The following GSE1 variants were observed in gnomAD, a reference collection of about 807,000 sequenced individuals.
GSE1 encodes Gse1 coiled-coil protein, also known as genetic suppressor element 1.
Under a neutral mutation model 112.6 loss-of-function variants are expected in GSE1, and 32 were observed. The ratio of observed to expected loss-of-function variants is 0.28; its 90% CI spans 0.21 to 0.38. The LOEUF is 0.38. Ranked by LOEUF, GSE1 falls within the 10% of genes least tolerant of loss-of-function variation. GSE1 has a pLI of 1.00. For synonymous variants in GSE1, 1,115 were observed against 735.6 expected, an observed-to-expected ratio of 1.52 and a Z score of -8.35; for missense variants, 2,348 against 1,699.2, an observed-to-expected ratio of 1.38 and a Z score of -6.71.
intron 2 of GSE1, among the ~76,000 whole-genome samples, chr16:85,397,220 C>T (rs1288195809): frequency 6.6e-6 from 1 of 152,218 alleles, no homozygotes; most frequent in Non-Finnish European, 1.5e-5. Flanking sequence ...AAAGCAGACA[C>T]TTTTCTCCCC....
At chr16:85,369,320 G>A (rs1424218773) in intron 2 of GSE1, among the ~76,000 whole-genome samples, 7 of 152,002 alleles carry the variant, frequency 4.6e-5, no homozygotes, top group African/African-American at 7.3e-5. Flanking sequence ...GGGCTCAAGG[G>A]ATCCTCCCAC....
chr16:85,464,910 T>C (rs2050081301), intron 2 of GSE1, among the ~76,000 whole-genome samples: 1 of 152,214 alleles, frequency 6.6e-6, no homozygotes, highest in African/African-American at 2.4e-5. Context: ...GTCCTTTACC[T>C]GTGGTCACGC....
chr16:85,403,397 A>G (rs1181849666), intron 2 of GSE1, among the ~76,000 whole-genome samples: 2 of 152,174 alleles, frequency 1.3e-5, no homozygotes, highest in Non-Finnish European at 1.5e-5. Flanking sequence ...GGGGCTCGTC[A>G]AAGCTGCCCC....
At chr16:85,410,873 G>A (rs77002859) in intron 2 of GSE1, among the ~76,000 whole-genome samples, 4 of 62,070 alleles carry the variant, frequency 6.4e-5, no homozygotes, top group African/African-American at 1.3e-4. Context: ...CCTCACTGTT[G>A]CACTCAGGGT....
intron 1 of GSE1, among the ~76,000 whole-genome samples, chr16:85,183,152 C>G (rs1437341265): frequency 6.6e-6 from 1 of 152,162 alleles, no homozygotes; most frequent in Non-Finnish European, 1.5e-5. Flanking sequence ...CACTCATACA[C>G]CTGCACAGTC....
chr16:85,507,028 C>T (rs905170956), intron 2 of GSE1, among the ~76,000 whole-genome samples: 1 of 152,156 alleles, frequency 6.6e-6, no homozygotes, highest in Admixed American at 6.5e-5. Flanking sequence ...GGCTCTGCCT[C>T]CCTCCTGGGG....
At chr16:85,250,407 C>T (rs1450347180) in intron 1 of GSE1, among the ~76,000 whole-genome samples, 1 of 152,178 alleles carries the variant, frequency 6.6e-6, no homozygotes, top group Non-Finnish European at 1.5e-5. Context: ...GCTGGCCCCG[C>T]CCCAGCTGGG....
At chr16:85,186,927 G>C (rs1597748391) in intron 1 of GSE1, among the ~76,000 whole-genome samples, 1 of 152,206 alleles carries the variant, frequency 6.6e-6, no homozygotes, top group Non-Finnish European at 1.5e-5. Flanking sequence ...AGGACCCTCT[G>C]ACGGGTGTAC....
Position 85,288,927 on chromosome 16 carries a change from T to C in GSE1, c.2284-68536T>C, listed in dbSNP as rs995491403. Reference sequence around the variant, plus strand: ...GCCTGGGCTCTATGGGCCTGAGAAATGGTGTGCCTAGCACTAGGACACTGC... The same window carrying C: ...GCCTGGGCTCTATGGGCCTGAGAAACGGTGTGCCTAGCACTAGGACACTGC... On this transcript the variant is annotated intron_variant, in intron 1 of 2. Transcript: ENST00000637419. Among the ~76,000 whole-genome samples, 8 of 152,138 alleles carry C rather than the reference T, an allele frequency of 5.3e-5. No homozygotes were observed. The South Asian group carries it at 1.0e-3, about 20-fold the overall frequency.
intron 1 of GSE1, 65 bp from the exon 2 acceptor site, chr16:85,633,849 C>A (rs2049758648): frequency 2.3e-6 from 3 of 1,330,582 alleles, no homozygotes; most frequent in Admixed American, 1.9e-5. Context: ...GCCCTGCCGA[C>A]CCTGCTCTGG....
intron 2 of GSE1, among the ~76,000 whole-genome samples, chr16:85,414,949 A>T (rs1022077423): frequency 6.6e-6 from 1 of 151,838 alleles, no homozygotes; most frequent in Non-Finnish European, 1.5e-5. Flanking sequence ...TTTTATTTTT[A>T]TTTATTTACT....
At chr16:85,552,006 G>C (rs1247756894), upstream of GSE1, among the ~76,000 whole-genome samples, 1 of 151,930 alleles carries the variant, frequency 6.6e-6, no homozygotes, top group African/African-American at 2.4e-5. Flanking sequence ...CTTCGCCTCC[G>C]TGCACTCAAT....
intron 1 of GSE1, among the ~76,000 whole-genome samples, chr16:85,188,627 C>T (rs975615351): frequency 1.4e-4 from 21 of 151,874 alleles, no homozygotes; most frequent in East Asian, 1.9e-4. Flanking sequence ...CATAGCAAGA[C>T]GCCATCTCTA....
At chr16:85,548,358 CTT>C (rs879328118) in intron 2 of GSE1, among the ~76,000 whole-genome samples, 4 of 144,398 alleles carry the variant, frequency 2.8e-5, no homozygotes, top group Non-Finnish European at 4.6e-5. Flanking sequence ...ACTAGGTCTT[CTT>C]TTTTTTTTTT....
intron 2 of GSE1, among the ~76,000 whole-genome samples, chr16:85,534,063 AGCCAAGCCTTGGCAACTGTCATCT>A (rs1424598610): frequency 6.6e-6 from 1 of 151,368 alleles, no homozygotes; most frequent in Non-Finnish European, 1.5e-5. Flanking sequence ...TCTCCACCAC[AGCCAAGCCTTGGCAACTGTCATCT>A]GCTTTACATC....
intron 2 of GSE1, among the ~76,000 whole-genome samples, chr16:85,468,904 T>C (rs1308502393): frequency 2.0e-5 from 3 of 152,210 alleles, no homozygotes; most frequent in Non-Finnish European, 2.9e-5. Flanking sequence ...TATTTGGAAA[T>C]AGTTTCTTTG....
At chr16:85,345,699 AG>A (rs1372947378) in intron 1 of GSE1, among the ~76,000 whole-genome samples, 2 of 152,078 alleles carry the variant, frequency 1.3e-5, no homozygotes, top group Non-Finnish European at 2.9e-5. Flanking sequence ...ACAGATGAAC[AG>A]TTTGTTTATT....
chr16:85,351,737 C>T lies in GSE1; in HGVS notation c.2284-5726C>T, dbSNP rs181790394. 4.0e-4 allele frequency among the ~76,000 whole-genome samples: 61 copies of T among 152,278 alleles called. 1 individual carries two copies. The East Asian group carries it at 0.011, about 27-fold the overall frequency. Reference sequence around the variant, plus strand: ...GGGCGCAGTGGCTCATGCCTATAATCCCAGCACTTTGGGAGGCCGAGGCAG... The same window carrying T: ...GGGCGCAGTGGCTCATGCCTATAATTCCAGCACTTTGGGAGGCCGAGGCAG... On this transcript the variant is annotated intron_variant, in intron 1 of 2. Coordinates refer to the GSE1 transcript ENST00000637419.
At chr16:85,487,656 C>T (rs961602662) in intron 2 of GSE1, among the ~76,000 whole-genome samples, 1 of 151,994 alleles carries the variant, frequency 6.6e-6, no homozygotes, top group South Asian at 2.1e-4. Context: ...AATCACCCCG[C>T]GATACAACCT....
Sources: allele counts gnomAD v4.1 joint callset (sites outside exome capture counted in the v4.1 genomes callset), GRCh38; gene constraint gnomAD v4.1.1; transcripts MANE v1.5; gene names NCBI Gene and HGNC (gene_info 2026-07-23, HGNC 2026-07-21).